The following DENND2B variants were observed in gnomAD, a reference collection of about 807,000 sequenced individuals.
DENND2B encodes the protein DENN domain containing 2B, also known as DENN domain-containing protein 2B.
DENND2B carries 32 observed loss-of-function variants against 116.0 expected under a neutral mutation model. That is an observed-to-expected ratio of 0.28 (90% CI 0.21 to 0.37). The LOEUF (loss-of-function observed/expected upper bound fraction) is 0.37. DENND2B is among the 10% of genes least tolerant of loss of function. DENND2B has a pLI of 1.00. For missense variants in DENND2B, 1,276 were observed against 1,477.7 expected (o/e 0.86, Z 2.24); for synonymous variants, 588 against 583.9 (o/e 1.01, Z -0.10).
intron 1 of DENND2B, among the ~76,000 whole-genome samples, chr11:8,909,283 G>C (rs2064278990): frequency 6.6e-6 from 1 of 152,212 alleles, no homozygotes; most frequent in Admixed American, 6.5e-5. Context: ...AGGATCGCTT[G>C]AGCCCAGGAG....
rs1434888727 is a variant in DENND2B at position 8,710,901 on chromosome 11, A to G, written c.2296T>C (p.Phe766Leu). The change falls in exon 11 of 20, where the codon TTC (phenylalanine) becomes CTC (leucine). Residue 766 changes from phenylalanine to leucine, a missense_variant. This residue lies in a region of DENND2B where 420 missense variants were observed against 631.1 expected (regional missense o/e 0.67). Transcript: ENST00000313726. ...CTGCCATCTTCCCCAGTCAGCATGA[A>G]AGAAAAGGTCTCACTGGAACAAAGA... The part of the protein sequence containing the change: ...VSEYSSETFS[F>L]MLTGEDGSRR... 1.2e-6 allele frequency: 2 copies of G among 1,614,006 alleles called. No homozygotes were observed. The highest frequency in any genetic ancestry group is 8.5e-7 in the Non-Finnish European group (1 of 1,180,012).
intron 2 of DENND2B, chr11:8,877,649 A>G (rs2063858675): frequency 1.3e-5 from 2 of 152,218 alleles, no homozygotes; most frequent in African/African-American, 4.8e-5. Context: ...ATAATGATCT[A>G]TATTTGTCAC....
chr11:8,750,644 T>G lies in DENND2B; in HGVS notation c.57A>C (p.Lys19Asn). The change falls in exon 2 of 20, where the codon AAA becomes AAC. Residue 19 changes from lysine (K) to asparagine (N), a missense_variant. Lys to Asn is a moderately conservative substitution (Grantham distance 94). Around this residue, in one of 2 missense-constraint regions of DENND2B, gnomAD observed 856 missense variants for 846.6 expected, o/e 1.01. Coordinates refer to ENST00000313726, the MANE Select transcript of DENND2B (RefSeq NM_213618.2). ...ACCTGCTCAGAGTCCCCCGAGGGGC[T>G]TTAGTGCCACCAGCTCCGTGGGTGA... ...SSITHGAGGTKAPRGTLSRSQ... is the reference protein window; with the variant it reads ...SSITHGAGGTNAPRGTLSRSQ... The G allele has an allele frequency of 6.2e-7, 1 of 1,614,074 alleles. No homozygotes were observed. Among genetic ancestry groups the G allele is most frequent in the Non-Finnish European group, 8.5e-7 (1 of 1,180,004 alleles).
chr11:8,698,137 C>CAA (rs33975736), intron 16 of DENND2B, among the ~76,000 whole-genome samples: 3,739 of 39,640 alleles, frequency 0.094, 434 homozygotes, highest in Middle Eastern at 0.17. Context: ...ACCCTGTCTC[C>CAA]AAAAAAAAAA....
Position 8,702,192 on chromosome 11 carries a change from G to A in DENND2B, c.2720+380C>T, listed in dbSNP as rs933074676. 3.9e-5 allele frequency among the ~76,000 whole-genome samples: 6 copies of A among 152,084 alleles called. No individual in the cohort carries two copies. The highest frequency in any genetic ancestry group is 1.4e-4 in the African/African-American group (6 of 41,380). On this transcript the variant is annotated intron_variant, in intron 14 of 19. Transcript: ENST00000313726. The surrounding 1 kb of genome is among the most constrained non-coding windows in gnomAD (Gnocchi z 4.6). ...CACAGCAGCTCTTTCCTCAAACTCAGCATCCCATTGAGATGGCTTTGCCTC... is the reference window on the plus strand; with the variant it reads ...CACAGCAGCTCTTTCCTCAAACTCAACATCCCATTGAGATGGCTTTGCCTC...
intron 2 of DENND2B, among the ~76,000 whole-genome samples, chr11:8,744,602 C>T (rs1354513283): frequency 6.6e-6 from 1 of 152,150 alleles, no homozygotes; most frequent in East Asian, 1.9e-4. Context: ...AAAGATGAGT[C>T]AGAGAGCAGA....
At chr11:8,812,356 G>C (rs968396444), upstream of DENND2B, among the ~76,000 whole-genome samples, 1 of 152,090 alleles carries the variant, frequency 6.6e-6, no homozygotes, top group Non-Finnish European at 1.5e-5. Context: ...TGCACAGCTC[G>C]GAGAAAAAGC....
At chr11:8,863,540 T>TA (rs2063479726) in intron 2 of DENND2B, among the ~76,000 whole-genome samples, 3 of 152,018 alleles carry the variant, frequency 2.0e-5, no homozygotes, top group African/African-American at 7.2e-5. Flanking sequence ...GCCTGCCTCT[T>TA]ACGCCACTTC....
intron 1 of DENND2B, among the ~76,000 whole-genome samples, chr11:8,754,029 G>GCGCGCGCGCGCGCACACACACACA (rs146486674): frequency 7.2e-6 from 1 of 138,734 alleles, no homozygotes; most frequent in African/African-American, 2.7e-5. Flanking sequence ...CCAAAAGCGC[G>GCGCGCGCGCGCGCACACACACACA]CACACACACA....
At chr11:8,772,175 A>T (rs1365632632) in intron 1 of DENND2B, among the ~76,000 whole-genome samples, 2 of 151,246 alleles carry the variant, frequency 1.3e-5, no homozygotes, top group Non-Finnish European at 2.9e-5. Context: ...ATTTTGCCCT[A>T]TGCATCTCTT....
chr11:8,902,604 C>T (rs1566093409), intron 1 of DENND2B, among the ~76,000 whole-genome samples: 1 of 152,102 alleles, frequency 6.6e-6, no homozygotes, highest in African/African-American at 2.4e-5. Context: ...CAAGGGGAGT[C>T]GCTTAAAGCA....
chr11:8,734,325 T>G (rs2048604854), intron 2 of DENND2B, among the ~76,000 whole-genome samples: 1 of 152,180 alleles, frequency 6.6e-6, no homozygotes. Flanking sequence ...AGTACTGTTT[T>G]TTTTTTTTAT....
intron 2 of DENND2B, among the ~76,000 whole-genome samples, chr11:8,737,763 C>T (rs1007619249): frequency 6.6e-6 from 1 of 151,390 alleles, no homozygotes; most frequent in Non-Finnish European, 1.5e-5. Context: ...CCTCTTCTTC[C>T]TCTCCTTCCT....
chr11:8,729,975 G>A lies in DENND2B; in HGVS notation c.1315C>T (p.Arg439Cys), dbSNP rs1423102707. Residue 439 changes from arginine (R) to cysteine (C), a missense_variant, in exon 3 of 20, where the codon CGT becomes TGT. This residue lies in a region of DENND2B where 856 missense variants were observed against 846.6 expected (regional missense o/e 1.01). Coordinates refer to ENST00000313726, the MANE Select transcript of DENND2B (RefSeq NM_213618.2). ...PVTRRPKKDM[R>C]GHRKSQSRKS... is the part of the protein sequence containing the mutation. The stretch of plus-strand genomic sequence containing the variant: ...CTGCTCTGGGACTTGCGGTGACCAC[G>A]CATGTCCTTCTTGGGTCTCCGGGTG... 2 of 1,613,998 alleles carry A rather than the reference G, an allele frequency of 1.2e-6. No homozygotes were observed. Among genetic ancestry groups the A allele is most frequent in the East Asian group, 2.2e-5 (1 of 44,902 alleles).
intron 1 of DENND2B, among the ~76,000 whole-genome samples, chr11:8,904,918 G>T (rs1014785246): frequency 6.6e-5 from 10 of 151,914 alleles, no homozygotes; most frequent in Non-Finnish European, 1.3e-4. Flanking sequence ...GAAATAAATG[G>T]ACAGACATTC....
chr11:8,881,862 T>C (rs1298100135), intron 1 of DENND2B, among the ~76,000 whole-genome samples: 2 of 152,188 alleles, frequency 1.3e-5, no homozygotes, highest in African/African-American at 4.8e-5. Context: ...TTCTTGTTGT[T>C]CCTTTTCTCT....
At chr11:8,703,360 G>A (rs953495675) in intron 13 of DENND2B, 1 of 152,414 alleles carries the variant, frequency 6.6e-6, no homozygotes, top group African/African-American at 2.4e-5. Context: ...CAGGAAGCAG[G>A]ACTGTCTTAT....
intron 11 of DENND2B, among the ~76,000 whole-genome samples, chr11:8,709,764 C>CATGGGCT (rs1232009260): frequency 6.6e-6 from 1 of 152,190 alleles, no homozygotes; most frequent in Non-Finnish European, 1.5e-5. Flanking sequence ...AATAATAACC[C>CATGGGCT]ATGGGCTATT....
intron 2 of DENND2B, among the ~76,000 whole-genome samples, chr11:8,865,227 G>A (rs1708425877): frequency 6.6e-6 from 1 of 152,160 alleles, no homozygotes; most frequent in South Asian, 2.1e-4. Context: ...TCTCGCAAAG[G>A]CTGGATTCTT....
Sources: gnomAD v4.1 joint callset for allele counts (sites outside exome capture counted in the v4.1 genomes callset) on GRCh38, gnomAD v4.1.1 for gene constraint, gnomAD v4.1.1 regional missense constraint, Gnocchi (gnomAD v3.1) non-coding constraint, MANE v1.5 for transcripts, NCBI Gene and HGNC (gene_info 2026-07-23, HGNC 2026-07-21) for gene names.